The following RTF1 variants were observed in gnomAD, a reference collection of about 807,000 sequenced individuals.
RTF1 encodes the protein RNA polymerase-associated protein RTF1 homolog.
Under a neutral mutation model 95.7 loss-of-function variants are expected in RTF1, and 10 were observed. That is an observed-to-expected ratio of 0.10 (90% CI 0.06 to 0.18). The LOEUF (loss-of-function observed/expected upper bound fraction) is 0.18, where lower values mean the gene tolerates loss of function less well. Ranked by LOEUF, RTF1 falls within the 10% of genes least tolerant of loss-of-function variation. The pLI is 1.00. For synonymous variants in RTF1, 305 were observed against 311.8 expected (o/e 0.98, Z 0.23); for missense variants, 458 against 875.6 (o/e 0.52, Z 6.02).
In RTF1 at chr15:41,417,273, C is replaced by T; in HGVS notation, c.158C>T (p.Ser53Leu). Residue 53 changes from serine (S) to leucine (L), a missense_variant, in exon 1 of 18, where the codon TCG (serine) becomes TTG (leucine). This residue lies in a region of RTF1 where 44 missense variants were observed against 99.5 expected (regional missense o/e 0.44). Coordinates refer to ENST00000389629, the MANE Select transcript of RTF1 (RefSeq NM_015138.5). ...KKRKGRVVIDSDTEDSGSDEN... is the reference protein window; with the variant it reads ...KKRKGRVVIDLDTEDSGSDEN... ...CGGAAAGGCCGCGTCGTGATCGACTCGGACACAGAGGACAGCGGCAGCGAC... is the reference window on the plus strand; with the variant it reads ...CGGAAAGGCCGCGTCGTGATCGACTTGGACACAGAGGACAGCGGCAGCGAC... 1 of 1,249,950 alleles carries T rather than the reference C, an allele frequency of 8.0e-7. No homozygotes were observed. Among genetic ancestry groups the T allele is most frequent in the Non-Finnish European group, 1.0e-6 (1 of 989,416 alleles). The allele number at this position is 1,249,950 out of a possible 1,614,324, so 77.4% of individuals were successfully genotyped here.
rs1566832947 is a variant in RTF1 at position 41,417,176 on chromosome 15, C to G, written c.61C>G (p.Leu21Val). 2.4e-6 allele frequency: 3 copies of G among 1,264,268 alleles called. No individual in the cohort carries two copies. Among genetic ancestry groups the G allele is most frequent in the East Asian group, 3.1e-5 (1 of 32,082 alleles). 78.3% of individuals were successfully genotyped at this position (1,264,268 alleles called of 1,614,324 possible). Reference sequence around the variant, plus strand: ...GGCGGCGGCGGCAGTGGCGGTCCCACTGGCAGGCGGGCAAGAGGGGAGTCC... The same window carrying G: ...GGCGGCGGCGGCAGTGGCGGTCCCAGTGGCAGGCGGGCAAGAGGGGAGTCC... ...AAAAAAVAVP[L>V]AGGQEGSPGG... The change falls in exon 1 of 18, where the codon CTG becomes GTG. Residue 21 changes from leucine (L) to valine (V), a missense_variant. Coordinates refer to ENST00000389629, the MANE Select transcript of RTF1 (RefSeq NM_015138.5).
chr15:41,457,660 C>T lies in RTF1; in HGVS notation c.458-12C>T. The T allele has an allele frequency of 6.2e-7, 1 of 1,613,614 alleles. No individual in the cohort carries two copies. The highest frequency in any genetic ancestry group is 8.5e-7 in the Non-Finnish European group (1 of 1,179,568). On this transcript the variant is annotated splice_polypyrimidine_tract_variant and intron_variant, in intron 3 of 17. Coordinates refer to ENST00000389629, the MANE Select transcript of RTF1 (RefSeq NM_015138.5). ...AGCATAGTGTAATCTTGTGTTTGGG[C>T]CTTTGTTGCAGGTGAAGTGTCAGAC...
intron 8 of RTF1, among the ~76,000 whole-genome samples, chr15:41,473,846 G>A (rs2050928386): frequency 6.6e-6 from 1 of 151,846 alleles, no homozygotes; most frequent in Non-Finnish European, 1.5e-5. Flanking sequence ...AGACCATCCT[G>A]GCTAACATGG....
chr15:41,479,084 A>G lies in RTF1; in HGVS notation c.1819-19A>G. 1 of 1,585,508 alleles carries G rather than the reference A, an allele frequency of 6.3e-7. No individual in the cohort carries two copies. The highest frequency in any genetic ancestry group is 8.7e-7 in the Non-Finnish European group (1 of 1,154,492). ...GTGAGTGTCAAGCAATCTCTAAAAC[A>G]ACTTATTTTCTCTCTCAGTCCAGAG... On this transcript the variant is annotated intron_variant, in intron 15 of 17. Coordinates refer to ENST00000389629, the MANE Select transcript of RTF1 (RefSeq NM_015138.5).
intron 1 of RTF1, among the ~76,000 whole-genome samples, chr15:41,435,148 G>A (rs1269938530): frequency 1.3e-5 from 2 of 151,914 alleles, no homozygotes; most frequent in Non-Finnish European, 2.9e-5. Flanking sequence ...CCAAATCTTT[G>A]TTATAATCAA....
At position 41,477,580 on chromosome 15, in the gene RTF1, AT is replaced by A. The variant is rs1418484368; in HGVS notation, c.1740+66del. On this transcript the variant is annotated intron_variant, in intron 14 of 17. Transcript: ENST00000389629. Reference sequence around the variant, plus strand: ...TAATAAACCATGACATCTTTTCTACATCTTGCCTAAGTTTATTTTTTAATTA... The same window carrying A: ...TAATAAACCATGACATCTTTTCTACACTTGCCTAAGTTTATTTTTTAATTA... The A allele has an allele frequency of 1.8e-5, 26 of 1,449,540 alleles. No homozygotes were observed. The Admixed American group carries it at 4.2e-4, about 24-fold the overall frequency. The allele number at this position is 1,449,540 out of a possible 1,614,324, so 89.8% of individuals were successfully genotyped here. A position where few individuals can be genotyped will look rare whatever the true frequency, so the allele number is the denominator to read the frequency against.
chr15:41,437,953 C>A (rs965765280), intron 1 of RTF1, among the ~76,000 whole-genome samples: 3 of 152,184 alleles, frequency 2.0e-5, no homozygotes, highest in African/African-American at 7.2e-5. Flanking sequence ...AAATACTAAA[C>A]CGGATAAAAC....
At chr15:41,422,327 A>C (rs2050606766) in intron 1 of RTF1, among the ~76,000 whole-genome samples, 1 of 152,178 alleles carries the variant, frequency 6.6e-6, no homozygotes, top group Non-Finnish European at 1.5e-5. Context: ...CTAGTTTGAG[A>C]GTTTGAAAGC....
chr15:41,477,341 A>G, intron 13 of RTF1, 55 bp downstream of exon 13: 1 of 1,613,938 alleles, frequency 6.2e-7, no homozygotes, highest in Non-Finnish European at 8.5e-7. Flanking sequence ...TTATCAGGCA[A>G]GCCTGTGGCC....
intron 1 of RTF1, among the ~76,000 whole-genome samples, chr15:41,423,725 A>G (rs553356165): frequency 3.2e-4 from 49 of 152,114 alleles, no homozygotes; most frequent in African/African-American, 1.1e-3. Flanking sequence ...CTTCAGACAC[A>G]GGTCATATTG....
intron 2 of RTF1, among the ~76,000 whole-genome samples, chr15:41,439,894 C>T (rs1011427926): frequency 6.6e-6 from 1 of 152,128 alleles, no homozygotes; most frequent in African/African-American, 2.4e-5. Context: ...TCAGATGATC[C>T]ACCTGCCTTG....
chr15:41,421,526 G>A (rs182525757), intron 1 of RTF1, among the ~76,000 whole-genome samples: 19 of 151,652 alleles, frequency 1.3e-4, no homozygotes, highest in Admixed American at 9.2e-4. Flanking sequence ...AGCTACTTGG[G>A]AGTCTGGGGT....
intron 1 of RTF1, among the ~76,000 whole-genome samples, chr15:41,429,157 T>A (rs1436559534): frequency 1.3e-5 from 2 of 152,164 alleles, no homozygotes; most frequent in Non-Finnish European, 2.9e-5. Context: ...AGTACTGGGA[T>A]TACAGGCCAC....
chr15:41,477,570 T>A, intron 14 of RTF1, 55 bp downstream of exon 14: 1 of 1,495,010 alleles, frequency 6.7e-7, no homozygotes, highest in Admixed American at 1.7e-5. Context: ...AACCATGACA[T>A]CTTTTCTACA....
intron 1 of RTF1, among the ~76,000 whole-genome samples, chr15:41,426,557 G>A (rs1228376976): frequency 2.6e-5 from 4 of 151,592 alleles, no homozygotes; most frequent in African/African-American, 2.4e-5. Flanking sequence ...TGCCCACCTC[G>A]GCTTCCCGAA....
At chr15:41,430,272 C>G (rs567747386) in intron 1 of RTF1, among the ~76,000 whole-genome samples, 2 of 149,638 alleles carry the variant, frequency 1.3e-5, no homozygotes, top group Admixed American at 6.8e-5. Flanking sequence ...TGGTTCACTA[C>G]AACCTCCACC....
intron 2 of RTF1, among the ~76,000 whole-genome samples, chr15:41,450,649 C>A (rs991103933): frequency 1.3e-5 from 2 of 149,780 alleles, no homozygotes; most frequent in Admixed American, 1.3e-4. Context: ...AAAACTCAGA[C>A]TTAAAAGGGA....
intron 1 of RTF1, among the ~76,000 whole-genome samples, chr15:41,424,317 T>C (rs987917496): frequency 7.2e-5 from 11 of 152,130 alleles, no homozygotes; most frequent in African/African-American, 2.4e-4. Flanking sequence ...GAATATGTGT[T>C]AAGGAGAAGC....
chr15:41,464,438 G>A (rs866982476), intron 4 of RTF1, among the ~76,000 whole-genome samples: 3 of 151,280 alleles, frequency 2.0e-5, no homozygotes, highest in South Asian at 2.1e-4. Flanking sequence ...TAGTAGAGAC[G>A]GGGTTTCACC....
Sources: gnomAD v4.1 joint callset for allele counts (sites outside exome capture counted in the v4.1 genomes callset) on GRCh38, gnomAD v4.1.1 for gene constraint, gnomAD v4.1.1 regional missense constraint, MANE v1.5 for transcripts, NCBI Gene and HGNC (gene_info 2026-07-23, HGNC 2026-07-21) for gene names.